Variants in GNA12 observed in about 807,000 individuals in gnomAD.
GNA12 encodes the protein guanine nucleotide-binding protein subunit alpha-12.
A neutral mutation model predicts 26.0 loss-of-function variants in GNA12; 9 were observed. The ratio of observed to expected loss-of-function variants is 0.35; its 90% CI spans 0.21 to 0.60. The LOEUF (loss-of-function observed/expected upper bound fraction) is 0.60. Ranked by LOEUF, GNA12 falls within the 20% of genes least tolerant of loss-of-function variation. The pLI is 0.78. For missense variants in GNA12, 405 were observed against 525.8 expected (o/e 0.77, Z 2.25); for synonymous variants, 264 against 219.6 (o/e 1.20, Z -1.79).
intron 2 of GNA12, among the ~76,000 whole-genome samples, chr7:2,792,590 C>T (rs1792547513): frequency 1.3e-5 from 2 of 152,234 alleles, no homozygotes; most frequent in Non-Finnish European, 2.9e-5. Context: ...TCTTCTTTCC[C>T]AGACTCTGTG....
At position 2,789,132 on chromosome 7, in the gene GNA12, C is replaced by CT. The variant is rs71026556; in HGVS notation, c.525+5795dup. Among the ~76,000 whole-genome samples, 592 of 72,810 alleles carry CT rather than the reference C, an allele frequency of 8.1e-3. 35 individuals carry two copies. The highest frequency in any genetic ancestry group is 0.023 in the Middle Eastern group (2 of 86). The allele number at this position is 72,810 out of a possible 152,430, so 47.8% of individuals were successfully genotyped here. ...ACCGTGCCCGGACCCCTTCAGGCAT[C>CT]TTTTTTTTTTTTTTTTTTTTTGAGA... On this transcript the variant is annotated intron_variant, in intron 2 of 3. Coordinates refer to ENST00000275364, the MANE Select transcript of GNA12 (RefSeq NM_007353.3).
At chr7:2,732,670 G>C (rs918022183) in intron 3 of GNA12, among the ~76,000 whole-genome samples, 3 of 152,192 alleles carry the variant, frequency 2.0e-5, no homozygotes, top group African/African-American at 7.2e-5. Flanking sequence ...TCGATCTAGA[G>C]GTCTGACTAC....
chr7:2,834,638 C>T (rs1054507266), intron 1 of GNA12, among the ~76,000 whole-genome samples: 4 of 152,196 alleles, frequency 2.6e-5, no homozygotes, highest in Non-Finnish European at 4.4e-5. Context: ...CAAACAGTCA[C>T]GCACTGCATA....
At chr7:2,782,430 C>T (rs1373366843) in intron 2 of GNA12, among the ~76,000 whole-genome samples, 6 of 152,112 alleles carry the variant, frequency 3.9e-5, no homozygotes, top group African/African-American at 1.2e-4. Flanking sequence ...TGTCTCTGTT[C>T]TGCCTTCTAT....
intron 1 of GNA12, among the ~76,000 whole-genome samples, chr7:2,837,102 C>T (rs1006630648): frequency 5.9e-5 from 9 of 152,104 alleles, no homozygotes; most frequent in African/African-American, 2.2e-4. Context: ...ATCTCACCTC[C>T]CATTCTCTGC....
chr7:2,731,208 C>A lies in GNA12; in HGVS notation c.1119G>T (p.Glu373Asp), dbSNP rs762806711. 3 of 1,612,068 alleles carry A rather than the reference C, an allele frequency of 1.9e-6. No homozygotes were observed. Among genetic ancestry groups the A allele is most frequent in the East Asian group, 4.5e-5 (2 of 44,858 alleles). Residue 373 changes from glutamate to aspartate, a missense_variant, in exon 4 of 4, where the codon GAG becomes GAT. Transcript: ENST00000275364. The surrounding 1 kb of genome is among the most constrained non-coding windows in gnomAD (Gnocchi z 6.0). ...FHAVKDTILQ[E>D]NLKDIMLQ is the part of the protein sequence containing the mutation. ...ACTGCAGCATGATGTCCTTCAGGTT[C>A]TCCTGCAGGATGGTGTCTTTCACAG...
At chr7:2,812,262 T>C (rs1793099137) in intron 1 of GNA12, among the ~76,000 whole-genome samples, 1 of 152,266 alleles carries the variant, frequency 6.6e-6, no homozygotes, top group African/African-American at 2.4e-5. Context: ...TCAATGTTTT[T>C]CTTGGCTTGC....
chr7:2,802,007 ATAT>A (rs1362064539), intron 1 of GNA12, among the ~76,000 whole-genome samples: 1 of 152,202 alleles, frequency 6.6e-6, no homozygotes, highest in Admixed American at 6.5e-5. Flanking sequence ...TATAGGAGGC[ATAT>A]TATAATAAAC....
At chr7:2,834,397 A>G (rs192920698) in intron 1 of GNA12, among the ~76,000 whole-genome samples, 2 of 152,302 alleles carry the variant, frequency 1.3e-5, no homozygotes, top group Admixed American at 6.5e-5. Context: ...AGTGGCATTT[A>G]CCATGGTATC....
chr7:2,762,970 C>T (rs541216432), intron 2 of GNA12: 27 of 1,354,256 alleles, frequency 2.0e-5, no homozygotes, highest in East Asian at 1.5e-4. Flanking sequence ...TCTCCTGCTC[C>T]TCAGAAAGAG....
At chr7:2,763,650 A>C (rs570360269) in intron 2 of GNA12, among the ~76,000 whole-genome samples, 1 of 152,374 alleles carries the variant, frequency 6.6e-6, no homozygotes, top group Non-Finnish European at 1.5e-5. Flanking sequence ...ACACTTCCCA[A>C]GGACAAGCAT....
chr7:2,826,389 A>C (rs73285379), intron 1 of GNA12, among the ~76,000 whole-genome samples: 3,170 of 151,772 alleles, frequency 0.021, 123 homozygotes, highest in African/African-American at 0.072. Context: ...AAAAAAAAAA[A>C]AAAAAACCAA....
chr7:2,818,341 T>A (rs902278578), intron 1 of GNA12, among the ~76,000 whole-genome samples: 3 of 152,202 alleles, frequency 2.0e-5, no homozygotes, highest in Non-Finnish European at 2.9e-5. Context: ...CACCCATCAG[T>A]GTCACAACCA....
At chr7:2,796,764 G>A (rs917445670) in intron 1 of GNA12, among the ~76,000 whole-genome samples, 41 of 152,048 alleles carry the variant, frequency 2.7e-4, no homozygotes, top group African/African-American at 9.4e-4. Context: ...TCATCAACAG[G>A]GTCAAAGGGA....
At chr7:2,808,701 C>A (rs1362686098) in intron 1 of GNA12, among the ~76,000 whole-genome samples, 2 of 152,176 alleles carry the variant, frequency 1.3e-5, no homozygotes, top group African/African-American at 2.4e-5. Flanking sequence ...TGGGTCCGGC[C>A]ACCACCATCT....
chr7:2,758,654 A>C (rs914792451), intron 2 of GNA12, among the ~76,000 whole-genome samples: 4 of 152,200 alleles, frequency 2.6e-5, no homozygotes, highest in Non-Finnish European at 5.9e-5. Context: ...GGGCCCCCAC[A>C]GCACACTTGG....
intron 1 of GNA12, among the ~76,000 whole-genome samples, chr7:2,828,276 T>C (rs1793528238): frequency 1.3e-5 from 2 of 152,262 alleles, no homozygotes; most frequent in Admixed American, 6.5e-5. Flanking sequence ...AGCTAAATTA[T>C]ATTCCTAAGG....
At chr7:2,824,446 A>C (rs1403884814) in intron 1 of GNA12, among the ~76,000 whole-genome samples, 1 of 152,084 alleles carries the variant, frequency 6.6e-6, no homozygotes, top group East Asian at 1.9e-4. Context: ...TCACCTCTGC[A>C]GGCGGCTCCC....
intron 1 of GNA12, among the ~76,000 whole-genome samples, chr7:2,796,940 G>A (rs1397778763): frequency 6.6e-6 from 1 of 152,188 alleles, no homozygotes; most frequent in Admixed American, 6.5e-5. Flanking sequence ...GTGTTCTTCT[G>A]AGGGGCACAC....
Sources: allele counts gnomAD v4.1 joint callset (sites outside exome capture counted in the v4.1 genomes callset), GRCh38; gene constraint gnomAD v4.1.1; non-coding constraint Gnocchi (gnomAD v3.1); transcripts MANE v1.5; gene names NCBI Gene and HGNC (gene_info 2026-07-23, HGNC 2026-07-21).